SLC25A17: variants seen among roughly 807,000 people sequenced by gnomAD.
SLC25A17 encodes the protein peroxisomal membrane protein PMP34.
Under a neutral mutation model 38.5 loss-of-function variants are expected in SLC25A17, and 26 were observed. The observed-to-expected ratio is 0.68, with a 90% CI of 0.50 to 0.94. The LOEUF (loss-of-function observed/expected upper bound fraction) is 0.94. Ranked by LOEUF, SLC25A17 falls within the 40% of genes least tolerant of loss-of-function variation. SLC25A17 has a pLI of 0.00. For synonymous variants in SLC25A17, 139 were observed against 136.2 expected (o/e 1.02, Z -0.14); for missense variants, 333 against 372.7 (o/e 0.89, Z 0.88).
chr22:40,816,609 G>GTTTTTTTTTTTTTTTTTTTTTT (rs55809010), intron 1 of SLC25A17, among the ~76,000 whole-genome samples: 2 of 137,970 alleles, frequency 1.4e-5, no homozygotes, highest in Non-Finnish European at 3.1e-5. Flanking sequence ...ATTTTTTATT[G>GTTTTTTTTTTTTTTTTTTTTTT]TTTTTTTTTT....
chr22:40,774,855 TCTCA>T (rs1569398348), intron 7 of SLC25A17, among the ~76,000 whole-genome samples: 1 of 152,186 alleles, frequency 6.6e-6, no homozygotes. Flanking sequence ...ACTGGAATAT[TCTCA>T]CTACCACCCC....
At chr22:40,795,819 G>C (rs556347866) in intron 2 of SLC25A17, among the ~76,000 whole-genome samples, 142 of 151,818 alleles carry the variant, frequency 9.4e-4, no homozygotes, top group African/African-American at 3.4e-3. Context: ...ACGGAGTCTC[G>C]CTTTGTCGCC....
chr22:40,775,116 C>T (rs2057228006), intron 7 of SLC25A17, among the ~76,000 whole-genome samples: 1 of 152,174 alleles, frequency 6.6e-6, no homozygotes, highest in African/African-American at 2.4e-5. Flanking sequence ...TATTCCCCAG[C>T]TTAAAGCCCT....
At chr22:40,776,929 T>G in intron 7 of SLC25A17, 111 bp downstream of exon 7, 1 of 877,390 alleles carries the variant, frequency 1.1e-6, no homozygotes, top group Non-Finnish European at 1.8e-6. Context: ...TAGGGAATAT[T>G]CTGGTATACC....
chr22:40,779,037 A>C lies in SLC25A17; in HGVS notation c.423T>G (p.Ile141Met). ...TGATACCTTTGTAGTTTGTTGGTAC[A>C]ATGTCTTCATTCCTAAATTTTGCTC... is the stretch of plus-strand genomic sequence containing the variant. The part of the protein sequence containing the change: ...LQGAKFRNED[I>M]VPTNYKGIID... The change falls in exon 5 of 9, where the codon ATT (isoleucine) becomes ATG (methionine). Residue 141 changes from isoleucine to methionine, a missense_variant. Transcript: ENST00000435456. 1 of 1,614,128 alleles carries C rather than the reference A, an allele frequency of 6.2e-7. No individual in the cohort carries two copies. The highest frequency in any genetic ancestry group is 8.5e-7 in the Non-Finnish European group (1 of 1,179,978).
intron 1 of SLC25A17, 55 bp from the exon 2 acceptor site, chr22:40,799,138 CT>C (rs906492198): frequency 0.03 from 31,465 of 1,051,776 alleles, 1 homozygote; most frequent in South Asian, 0.043. Flanking sequence ...TAAGTCACAA[CT>C]TTTTTTTTTT....
At chr22:40,803,576 T>C (rs1273827959) in intron 1 of SLC25A17, among the ~76,000 whole-genome samples, 2 of 152,222 alleles carry the variant, frequency 1.3e-5, no homozygotes, top group Non-Finnish European at 2.9e-5. Flanking sequence ...TGATTCCACA[T>C]TTTTTCTACT....
At chr22:40,804,915 C>A (rs551735647) in intron 1 of SLC25A17, among the ~76,000 whole-genome samples, 2 of 151,466 alleles carry the variant, frequency 1.3e-5, no homozygotes, top group Non-Finnish European at 2.9e-5. Flanking sequence ...TTGAGACCAG[C>A]CTGGGCAACA....
At chr22:40,793,212 T>C (rs1255374521) in intron 3 of SLC25A17, among the ~76,000 whole-genome samples, 1 of 152,020 alleles carries the variant, frequency 6.6e-6, no homozygotes, top group African/African-American at 2.4e-5. Context: ...CAATAATAAG[T>C]AGATAAATAA....
intron 2 of SLC25A17, among the ~76,000 whole-genome samples, chr22:40,798,494 G>C (rs535998098): frequency 6.6e-6 from 1 of 151,904 alleles, no homozygotes; most frequent in Non-Finnish European, 1.5e-5. Context: ...GTGGGAAAGG[G>C]GGTGAGCAAC....
At chr22:40,800,422 A>C (rs573361833) in intron 1 of SLC25A17, among the ~76,000 whole-genome samples, 1 of 152,292 alleles carries the variant, frequency 6.6e-6, no homozygotes, top group East Asian at 1.9e-4. Flanking sequence ...TTTTAGAGAC[A>C]GTGTCTTGCT....
intron 1 of SLC25A17, among the ~76,000 whole-genome samples, chr22:40,800,668 G>A (rs2034409384): frequency 6.6e-6 from 1 of 151,900 alleles, no homozygotes. Flanking sequence ...AAGTGCAGGA[G>A]TACTAGGTGT....
intron 7 of SLC25A17, among the ~76,000 whole-genome samples, chr22:40,775,306 C>G (rs1326726139): frequency 6.6e-6 from 1 of 152,118 alleles, no homozygotes; most frequent in Non-Finnish European, 1.5e-5. Flanking sequence ...GTGTCCCCAT[C>G]CAAATCTCAC....
intron 1 of SLC25A17, among the ~76,000 whole-genome samples, chr22:40,815,186 G>A (rs1406990339): frequency 6.6e-6 from 1 of 152,120 alleles, no homozygotes; most frequent in East Asian, 1.9e-4. Context: ...GAAGCTACCA[G>A]ATTCCAGATC....
chr22:40,792,725 A>C (rs1321072115), intron 3 of SLC25A17, 49 bp from the exon 4 acceptor site: 16 of 1,596,804 alleles, frequency 1.0e-5, no homozygotes, highest in Non-Finnish European at 1.2e-5. Context: ...ACAAATTAGA[A>C]ATTGGCAGAG....
intron 1 of SLC25A17, among the ~76,000 whole-genome samples, chr22:40,810,472 T>C (rs975676807): frequency 6.6e-6 from 1 of 151,672 alleles, no homozygotes; most frequent in African/African-American, 2.4e-5. Context: ...CTCAGCCTCC[T>C]GAGTAGCTGG....
chr22:40,772,752 T>G (rs1350059708), intron 8 of SLC25A17, among the ~76,000 whole-genome samples: 2 of 152,092 alleles, frequency 1.3e-5, no homozygotes, highest in Admixed American at 6.6e-5. Flanking sequence ...ATCTCCTGCT[T>G]CAGCCTCGTG....
chr22:40,770,417 T>C lies in SLC25A17; in HGVS notation c.*417A>G, dbSNP rs1228534188. 6.6e-6 allele frequency: 1 copy of C among 152,522 alleles called. No individual in the cohort carries two copies. Among genetic ancestry groups the C allele is most frequent in the Non-Finnish European group, 1.5e-5 (1 of 68,310 alleles). The allele number at this position is 152,522 out of a possible 1,614,324, so 9.4% of individuals were successfully genotyped here. On this transcript the variant is annotated 3_prime_UTR_variant, in exon 9 of 9. Coordinates refer to ENST00000435456, the MANE Select transcript of SLC25A17 (RefSeq NM_006358.4). ...ACCAACACTGAGACATACAAAAGTA[T>C]TTGAGGAGAATTACATGTTATTAAA...
chr22:40,780,735 C>G (rs149073606), intron 4 of SLC25A17, among the ~76,000 whole-genome samples: 3 of 152,260 alleles, frequency 2.0e-5, no homozygotes, highest in East Asian at 3.8e-4. Flanking sequence ...TATAGTGCAC[C>G]CACCTTTCTA....
Sources: allele counts gnomAD v4.1 joint callset (sites outside exome capture counted in the v4.1 genomes callset), GRCh38; gene constraint gnomAD v4.1.1; transcripts MANE v1.5; gene names NCBI Gene and HGNC (gene_info 2026-07-23, HGNC 2026-07-21).